Variants in USP47 observed in about 807,000 individuals in gnomAD.
The protein encoded by USP47 is ubiquitin specific peptidase 47, also known as ubiquitin carboxyl-terminal hydrolase 47.
A neutral mutation model predicts 165.1 loss-of-function variants in USP47; 35 were observed. The observed-to-expected ratio is 0.21, with a 90% confidence interval of 0.16 to 0.28. USP47 has a LOEUF of 0.28. Ranked by LOEUF, USP47 falls within the 10% of genes least tolerant of loss-of-function variation. The pLI is 1.00. For missense variants in USP47, 1,277 were observed against 1,607.4 expected (o/e 0.79, Z 3.52); for synonymous variants, 531 against 544.5 (o/e 0.98, Z 0.35).
At chr11:11,883,880 A>G (rs2134326298) in intron 2 of USP47, among the ~76,000 whole-genome samples, 1 of 152,308 alleles carries the variant, frequency 6.6e-6, no homozygotes, top group Non-Finnish European at 1.5e-5. Context: ...TCCTAGTGGT[A>G]CATTTGAAAT....
At chr11:11,922,594 A>G (rs1297155900) in intron 10 of USP47, 130 bp from the exon 11 acceptor site, 2 of 657,908 alleles carry the variant, frequency 3.0e-6, no homozygotes, top group Non-Finnish European at 4.5e-6. Flanking sequence ...AAATAAATGT[A>G]CTCAAAGTAA....
intron 20 of USP47, chr11:11,943,977 A>G (rs1212869853): frequency 1.3e-5 from 2 of 151,906 alleles, no homozygotes; most frequent in East Asian, 3.9e-4. Context: ...AGCAAACATT[A>G]GTATCCTGAT....
chr11:11,913,270 A>AG (rs1228540637), intron 8 of USP47, among the ~76,000 whole-genome samples: 1 of 151,196 alleles, frequency 6.6e-6, no homozygotes, highest in Admixed American at 6.6e-5. Flanking sequence ...AAAAAAAAAA[A>AG]AAAAAAACAA....
intron 2 of USP47, among the ~76,000 whole-genome samples, chr11:11,882,116 C>T (rs1273715540): frequency 6.6e-6 from 1 of 152,158 alleles, no homozygotes; most frequent in Non-Finnish European, 1.5e-5. Context: ...GCACTTATGT[C>T]ACCTTCTAGT....
At chr11:11,845,277 TA>T (rs1313980767) in intron 1 of USP47, among the ~76,000 whole-genome samples, 1 of 152,164 alleles carries the variant, frequency 6.6e-6, no homozygotes, top group Non-Finnish European at 1.5e-5. Flanking sequence ...GTTTTTAATG[TA>T]GTCAAACAGG....
intron 10 of USP47, among the ~76,000 whole-genome samples, chr11:11,921,178 A>C (rs1853809609): frequency 6.6e-6 from 1 of 151,648 alleles, no homozygotes; most frequent in South Asian, 2.1e-4. Flanking sequence ...GAATACTTAT[A>C]ATCACTTAGG....
Position 11,942,576 on chromosome 11 carries a change from T to C in USP47, c.2555T>C (p.Ile852Thr), listed in dbSNP as rs1855551899. The C allele has an allele frequency of 6.2e-7, 1 of 1,613,408 alleles. No homozygotes were observed. The highest frequency in any genetic ancestry group is 1.3e-5 in the African/African-American group (1 of 74,880). Residue 852 changes from isoleucine (I) to threonine (T), a missense_variant, in exon 20 of 28, where the codon ATT becomes ACT. By Grantham distance (89) the Ile-to-Thr change is moderately conservative. This residue lies in a region of USP47 where 909 missense variants were observed against 1,068.1 expected (regional missense o/e 0.85). Coordinates refer to ENST00000527733, the MANE Select transcript of USP47 (RefSeq NM_001282659.2). ...PVGSLKSVEA[I>T]LEESTEKLKS... ...GGAAGCCTAAAGTCTGTGGAAGCTA[T>C]TCTAGAAGAAAGCACTGAAAAACTC...
At chr11:11,894,292 C>T (rs1851717447) in intron 4 of USP47, among the ~76,000 whole-genome samples, 1 of 151,972 alleles carries the variant, frequency 6.6e-6, no homozygotes, top group African/African-American at 2.4e-5. Context: ...CCCATCTCTA[C>T]TAAAAATACA....
chr11:11,877,625 T>G (rs1316294388), intron 1 of USP47, among the ~76,000 whole-genome samples: 1 of 152,208 alleles, frequency 6.6e-6, no homozygotes, highest in African/African-American at 2.4e-5. Context: ...ATCCGTATAC[T>G]AACAAATACT....
chr11:11,938,337 C>G lies in USP47; in HGVS notation c.2158C>G (p.Gln720Glu). The G allele has an allele frequency of 6.2e-7, 1 of 1,611,904 alleles. No homozygotes were observed. The highest frequency in any genetic ancestry group is 1.3e-5 in the African/African-American group (1 of 74,884). Residue 720 changes from glutamine to glutamate, a missense_variant, in exon 18 of 28, where the codon CAG becomes GAG. Transcript: ENST00000527733. ...TATAACTGTTCGTGCTTACTTAAAT[C>G]AGACAGTTACAGAATTCAAACAACT... ...APITVRAYLN[Q>E]TVTEFKQLIS...
intron 1 of USP47, among the ~76,000 whole-genome samples, chr11:11,865,171 C>A (rs1271304999): frequency 6.6e-6 from 1 of 152,104 alleles, no homozygotes; most frequent in South Asian, 2.1e-4. Context: ...TGCTCAGCTT[C>A]TTGATTATAT....
intron 4 of USP47, among the ~76,000 whole-genome samples, chr11:11,894,316 C>T (rs745576383): frequency 5.3e-5 from 8 of 151,964 alleles, no homozygotes; most frequent in African/African-American, 1.9e-4. Flanking sequence ...ATTAGCTGAC[C>T]GTGGTAGCAG....
chr11:11,940,353 C>T (rs1022048392), intron 18 of USP47, 76 bp from the exon 19 acceptor site: 1 of 1,457,460 alleles, frequency 6.9e-7, no homozygotes, highest in South Asian at 1.4e-5. Context: ...TCAGCAGTGT[C>T]TTGCTTTCCC....
intron 8 of USP47, among the ~76,000 whole-genome samples, chr11:11,917,160 T>G (rs1394520985): frequency 1.3e-5 from 2 of 151,958 alleles, no homozygotes; most frequent in Admixed American, 1.3e-4. Flanking sequence ...AAAAAAAAGA[T>G]GAATTGGGTT....
chr11:11,944,488 A>G (rs1202383031), intron 20 of USP47, among the ~76,000 whole-genome samples: 1 of 152,144 alleles, frequency 6.6e-6, no homozygotes, highest in Non-Finnish European at 1.5e-5. Flanking sequence ...GTATTGTAAT[A>G]ATGTTTTAAA....
At chr11:11,904,406 TGTA>T (rs1852415672) in intron 7 of USP47, among the ~76,000 whole-genome samples, 2 of 152,208 alleles carry the variant, frequency 1.3e-5, no homozygotes, top group South Asian at 4.1e-4. Flanking sequence ...AGAGGCAAGA[TGTA>T]GTACACTTAT....
chr11:11,923,925 T>G (rs1317845825), intron 11 of USP47, among the ~76,000 whole-genome samples: 6 of 152,240 alleles, frequency 3.9e-5, no homozygotes, highest in African/African-American at 1.4e-4. Flanking sequence ...TCTGGGCCCT[T>G]GCCTGTGTTT....
At chr11:11,875,706 C>T (rs751838809) in intron 1 of USP47, among the ~76,000 whole-genome samples, 2 of 152,112 alleles carry the variant, frequency 1.3e-5, no homozygotes, top group Non-Finnish European at 1.5e-5. Context: ...CAGGTTCAAG[C>T]GATTCTCCTG....
chr11:11,889,828 A>C (rs1300630202), intron 3 of USP47, among the ~76,000 whole-genome samples: 1 of 152,218 alleles, frequency 6.6e-6, no homozygotes. Context: ...ACAGTAATCA[A>C]AACATCATAC....
Sources: allele counts gnomAD v4.1 joint callset (sites outside exome capture counted in the v4.1 genomes callset), GRCh38; gene constraint gnomAD v4.1.1; regional missense constraint gnomAD v4.1.1; transcripts MANE v1.5; gene names NCBI Gene and HGNC (gene_info 2026-07-23, HGNC 2026-07-21).